Variants in ADAM7 observed in about 807,000 individuals in gnomAD.
ADAM7 encodes the protein disintegrin and metalloproteinase domain-containing protein 7.
Under a neutral mutation model 102.9 loss-of-function variants are expected in ADAM7, and 97 were observed. That is an observed-to-expected ratio of 0.94 (90% CI 0.80 to 1.12). The LOEUF (loss-of-function observed/expected upper bound fraction) is 1.12, where lower values mean the gene tolerates loss of function less well. Ranked by LOEUF, ADAM7 falls within the 50% of genes most tolerant of loss-of-function variation. The pLI is 0.00. For missense variants in ADAM7, 991 were observed against 908.7 expected (o/e 1.09, Z -1.16); for synonymous variants, 334 against 304.4 (o/e 1.10, Z -1.01).
chr8:24,449,916 C>T (rs1818715462), intron 3 of ADAM7, among the ~76,000 whole-genome samples: 1 of 152,182 alleles, frequency 6.6e-6, no homozygotes, highest in Non-Finnish European at 1.5e-5. Flanking sequence ...AATCCTTTCC[C>T]CATTGCTTGT....
chr8:24,500,831 G>A lies in ADAM7; in HGVS notation c.2044G>A (p.Gly682Ser), dbSNP rs112329833. ...TGTTGTGCTTGTCCTGGTTATTGTC[G>A]GTATCGGAGTTCTTATACTATTAGT... Reference protein sequence around the residue: ...LVVVLVLVIVGIGVLILLVRY... With the variant: ...LVVVLVLVIVSIGVLILLVRY... Residue 682 changes from glycine (G) to serine (S), a missense_variant, in exon 19 of 22, where the codon GGT becomes AGT. Transcript: ENST00000175238. 160 of 1,613,206 alleles carry A rather than the reference G, an allele frequency of 9.9e-5. 1 individual carries two copies. The highest frequency in any genetic ancestry group is 3.3e-4 in the Admixed American group (20 of 59,944).
At chr8:24,484,190 A>G (rs1341350719) in intron 9 of ADAM7, among the ~76,000 whole-genome samples, 1 of 152,216 alleles carries the variant, frequency 6.6e-6, no homozygotes, top group Non-Finnish European at 1.5e-5. Flanking sequence ...TCCAAGAAGC[A>G]TAGTCAAATA....
In ADAM7 at chr8:24,465,950, A is replaced by C. The variant is rs550586586; in HGVS notation, c.389+175A>C. On this transcript the variant is annotated intron_variant, in intron 5 of 21. Coordinates refer to ENST00000175238, the MANE Select transcript of ADAM7 (RefSeq NM_003817.4). Reference sequence around the variant, plus strand: ...GCCTATGATTTACATTTTGACAAAGAGATGCCTAATGCATAGTCCTGAACA... The same window carrying C: ...GCCTATGATTTACATTTTGACAAAGCGATGCCTAATGCATAGTCCTGAACA... 8.0e-4 allele frequency among the ~76,000 whole-genome samples: 122 copies of C among 152,344 alleles called. 1 individual carries two copies. Among genetic ancestry groups the C allele is most frequent in the African/African-American group, 2.7e-3 (114 of 41,584 alleles).
chr8:24,484,021 G>T (rs1231435378), intron 9 of ADAM7, among the ~76,000 whole-genome samples: 2 of 152,086 alleles, frequency 1.3e-5, no homozygotes, highest in Non-Finnish European at 2.9e-5. Flanking sequence ...TCACTTAGAT[G>T]TAGAAGTGGC....
chr8:24,465,859 A>C (rs1819406758), intron 5 of ADAM7, 84 bp downstream of exon 5: 1 of 1,032,574 alleles, frequency 9.7e-7, no homozygotes. Flanking sequence ...TTGTTTTATC[A>C]CTCCTGGTAT....
intron 3 of ADAM7, among the ~76,000 whole-genome samples, chr8:24,457,580 C>A (rs1819083176): frequency 6.6e-6 from 1 of 152,256 alleles, no homozygotes; most frequent in South Asian, 2.1e-4. Flanking sequence ...AATTTGGAGA[C>A]CAGCCCTTAG....
intron 3 of ADAM7, among the ~76,000 whole-genome samples, chr8:24,452,835 G>A (rs2129376161): frequency 6.6e-6 from 1 of 151,214 alleles, no homozygotes; most frequent in South Asian, 2.1e-4. Context: ...AGCTCTTGTA[G>A]GGCAGGCCTG....
chr8:24,501,837 C>G (rs546913758), intron 20 of ADAM7, among the ~76,000 whole-genome samples: 1 of 152,064 alleles, frequency 6.6e-6, no homozygotes, highest in East Asian at 1.9e-4. Context: ...AATTTGTGCA[C>G]TATTGGAAAA....
Position 24,493,837 on chromosome 8 carries a change from A to G in ADAM7, c.1842+608A>G, listed in dbSNP as rs116465469. Among the ~76,000 whole-genome samples, 1,457 of 152,342 alleles carry G rather than the reference A, an allele frequency of 9.6e-3. 24 individuals are homozygous for G. The highest frequency in any genetic ancestry group is 0.033 in the African/African-American group (1,389 of 41,576). On this transcript the variant is annotated intron_variant, in intron 16 of 21. Transcript: ENST00000175238. ...AGACATTTTAGCAAAAAATGCCTGC[A>G]CAATATGTAAAGGTACAAAGTGTAT...
chr8:24,449,369 A>G (rs1818688939), intron 3 of ADAM7, among the ~76,000 whole-genome samples: 1 of 152,106 alleles, frequency 6.6e-6, no homozygotes, highest in Non-Finnish European at 1.5e-5. Context: ...ATGATAGCTC[A>G]TTGTGGTTTT....
intron 3 of ADAM7, among the ~76,000 whole-genome samples, chr8:24,450,025 G>C (rs12678605): frequency 0.12 from 18,056 of 151,864 alleles, 1,451 homozygotes; most frequent in East Asian, 0.38. Flanking sequence ...GTTTTGGTAT[G>C]AGTACCATGC....
chr8:24,499,329 T>G lies in ADAM7; in HGVS notation c.1923+13T>G. On this transcript the variant is annotated intron_variant, in intron 17 of 21. Coordinates refer to ENST00000175238, the MANE Select transcript of ADAM7 (RefSeq NM_003817.4). ...CAATGAAAATCCTGTAAGATATGACTGCTTTCAAAATTAATGTCTTATCAG... is the reference window on the plus strand; with the variant it reads ...CAATGAAAATCCTGTAAGATATGACGGCTTTCAAAATTAATGTCTTATCAG... The G allele has an allele frequency of 1.3e-6, 2 of 1,580,504 alleles. No individual in the cohort carries two copies. Among genetic ancestry groups the G allele is most frequent in the Non-Finnish European group, 1.7e-6 (2 of 1,158,944 alleles).
intron 7 of ADAM7, among the ~76,000 whole-genome samples, chr8:24,472,285 TA>T (rs201842284): frequency 0.014 from 2,163 of 150,866 alleles, 23 homozygotes; most frequent in Middle Eastern, 0.038. Flanking sequence ...ACCTTGCATT[TA>T]AAAAAAAAGA....
intron 21 of ADAM7, among the ~76,000 whole-genome samples, chr8:24,508,021 A>T (rs1019628830): frequency 6.6e-6 from 1 of 152,212 alleles, no homozygotes; most frequent in Admixed American, 6.5e-5. Context: ...TAGAAAATTT[A>T]TCCAAAAATT....
intron 20 of ADAM7, chr8:24,506,176 C>T: frequency 6.5e-7 from 1 of 1,530,184 alleles, no homozygotes; most frequent in Non-Finnish European, 8.8e-7. Context: ...CCTCCCCTTC[C>T]TCTTGGTGGT....
chr8:24,467,244 TA>T, intron 6 of ADAM7: 3 of 494,152 alleles, frequency 6.1e-6, no homozygotes, highest in Non-Finnish European at 1.1e-5. Context: ...GGGCTATGAG[TA>T]GTTGGAAATC....
chr8:24,467,443 G>C (rs957133323), intron 6 of ADAM7: 1 of 170,852 alleles, frequency 5.9e-6, no homozygotes, highest in Non-Finnish European at 1.2e-5. Context: ...TTGTATAAAA[G>C]TAGTCCTTGG....
chr8:24,500,212 A>G lies in ADAM7; in HGVS notation c.1958A>G (p.Glu653Gly), dbSNP rs140888870. 27 of 1,612,184 alleles carry G rather than the reference A, an allele frequency of 1.7e-5. No individual in the cohort carries two copies. The African/African-American group carries it at 3.5e-4, about 21-fold the overall frequency. ...DGHGLQCHCE[E>G]GQAPVACEET... is the part of the protein sequence containing the mutation. ...CACGGACTCCAGTGCCACTGTGAGGAAGGACAGGCACCTGTAGCCTGTGAA... is the reference window on the plus strand; with the variant it reads ...CACGGACTCCAGTGCCACTGTGAGGGAGGACAGGCACCTGTAGCCTGTGAA... Residue 653 changes from glutamate to glycine, a missense_variant, in exon 18 of 22, where the codon GAA (glutamate) becomes GGA (glycine). Physicochemically the swap from Glu to Gly is moderately conservative, Grantham distance 98. Coordinates refer to ENST00000175238, the MANE Select transcript of ADAM7 (RefSeq NM_003817.4).
rs1820740944 is a variant in ADAM7, at chr8:24,501,000, A to C, written c.2108+105A>C. On this transcript the variant is annotated intron_variant, in intron 19 of 21. Coordinates refer to ENST00000175238, the MANE Select transcript of ADAM7 (RefSeq NM_003817.4). ...CAATGGGGGGAAGTATAAGCTTCTT[A>C]CTGAAGATCAGGTAAGAATAGTAGT... 1.1e-5 allele frequency: 10 copies of C among 919,308 alleles called. No homozygotes were observed. The South Asian group carries it at 1.5e-4, about 14-fold the overall frequency. 56.9% of individuals were successfully genotyped at this position (919,308 alleles called of 1,614,324 possible).
Sources: allele counts gnomAD v4.1 joint callset (sites outside exome capture counted in the v4.1 genomes callset), GRCh38; gene constraint gnomAD v4.1.1; transcripts MANE v1.5; gene names NCBI Gene and HGNC (gene_info 2026-07-23, HGNC 2026-07-21).